PTPN13: variants seen among roughly 807,000 people sequenced by gnomAD.
PTPN13 encodes the protein protein tyrosine phosphatase non-receptor type 13.
PTPN13 carries 191 observed loss-of-function variants against 284.0 expected under a neutral mutation model. That is an observed-to-expected ratio of 0.67 (90% CI 0.60 to 0.76). PTPN13 has a LOEUF of 0.76. Ranked by LOEUF, PTPN13 falls within the 30% of genes least tolerant of loss-of-function variation. PTPN13 has a pLI of 0.00. For synonymous variants in PTPN13, 986 were observed against 1,022.3 expected (o/e 0.96, Z 0.68); for missense variants, 2,797 against 2,939.9 (o/e 0.95, Z 1.12).
intron 2 of PTPN13, among the ~76,000 whole-genome samples, chr4:86,651,963 G>A (rs1400400642): frequency 6.6e-6 from 1 of 152,102 alleles, no homozygotes; most frequent in Non-Finnish European, 1.5e-5. Context: ...TGTAGTCCAA[G>A]CTACACAGGA....
intron 10 of PTPN13, among the ~76,000 whole-genome samples, chr4:86,727,835 G>A (rs2149110080): frequency 6.7e-6 from 1 of 149,242 alleles, no homozygotes; most frequent in South Asian, 2.1e-4. Context: ...TCTGATCTTA[G>A]TTATTTCTTG....
chr4:86,768,871 G>A (rs185549357), intron 28 of PTPN13, among the ~76,000 whole-genome samples: 228 of 151,820 alleles, frequency 1.5e-3, no homozygotes, highest in African/African-American at 5.4e-3. Flanking sequence ...TGCCACATGC[G>A]GCTAATTTTT....
intron 6 of PTPN13, among the ~76,000 whole-genome samples, chr4:86,694,436 C>T (rs1253074107): frequency 2.0e-5 from 3 of 151,436 alleles, no homozygotes; most frequent in South Asian, 2.1e-4. Flanking sequence ...AAAAATTAGC[C>T]GGGCATGGTG....
chr4:86,735,480 G>C (rs1735389968), intron 14 of PTPN13, 114 bp from the exon 15 acceptor site: 1 of 1,064,666 alleles, frequency 9.4e-7, no homozygotes, highest in African/African-American at 1.6e-5. Flanking sequence ...AGAGAGAGAG[G>C]TAGAAATAGA....
At chr4:86,758,653 C>G in intron 21 of PTPN13, 25 bp from the exon 22 acceptor site, 2 of 1,578,234 alleles carry the variant, frequency 1.3e-6, no homozygotes, top group Non-Finnish European at 1.7e-6. Flanking sequence ...ATATGAAAAT[C>G]TTTTTAAAAT....
intron 1 of PTPN13, among the ~76,000 whole-genome samples, chr4:86,610,828 G>A (rs1425202033): frequency 6.6e-6 from 1 of 152,152 alleles, no homozygotes; most frequent in African/African-American, 2.4e-5. Context: ...ACACTTGCAT[G>A]AACTTGCCTA....
intron 2 of PTPN13, among the ~76,000 whole-genome samples, chr4:86,642,512 G>A (rs1278954577): frequency 7.8e-6 from 1 of 127,450 alleles, no homozygotes; most frequent in African/African-American, 3.0e-5. Flanking sequence ...GAGTGCAGTG[G>A]TGCAATCTCG....
chr4:86,767,350 A>G (rs1739450977), intron 27 of PTPN13, among the ~76,000 whole-genome samples: 1 of 151,568 alleles, frequency 6.6e-6, no homozygotes, highest in Admixed American at 6.6e-5. Flanking sequence ...GAGTCAAGCA[A>G]TTCTCCTGCC....
intron 36 of PTPN13, 30 bp from the exon 37 acceptor site, chr4:86,782,171 A>G: frequency 6.5e-7 from 1 of 1,531,030 alleles, no homozygotes; most frequent in Non-Finnish European, 9.0e-7. Flanking sequence ...GGATTGGCTC[A>G]TCCCCTTACT....
In PTPN13 at chr4:86,693,943, T is replaced by G. The variant is rs148428855; in HGVS notation, c.634+269T>G. ...ATTGGTATATCAATAATAATAATAT[T>G]TATTTACTTTATCGTGGTATTTCAT... On this transcript the variant is annotated intron_variant, in intron 6 of 47. Transcript: ENST00000411767. Among the ~76,000 whole-genome samples, 490 of 152,196 alleles carry G rather than the reference T, an allele frequency of 3.2e-3. 3 individuals are homozygous for G. Among genetic ancestry groups the G allele is most frequent in the African/African-American group, 0.011 (468 of 41,540 alleles).
At chr4:86,813,506 G>GGCA (rs1560450777) in intron 47 of PTPN13, among the ~76,000 whole-genome samples, 2 of 151,974 alleles carry the variant, frequency 1.3e-5, no homozygotes, top group East Asian at 3.9e-4. Context: ...AGCACAGTCC[G>GGCA]TGATCTCTGC....
chr4:86,701,548 T>C lies in PTPN13; in HGVS notation c.942T>C (p.Ser314=), dbSNP rs1731162940. 4 of 1,613,952 alleles carry C rather than the reference T, an allele frequency of 2.5e-6. No homozygotes were observed. The East Asian group carries it at 6.7e-5, about 27-fold the overall frequency. The change falls in exon 7 of 48, where the codon TCT becomes TCC. Residue 314 remains serine (S), a synonymous_variant. Coordinates refer to ENST00000411767, the MANE Select transcript of PTPN13 (RefSeq NM_080683.3). Reference sequence around the variant, plus strand: ...TTTGTACAGCTGACAGAGACTTCTCTTCAGGAGAGACTGCCACATATCGTC... The same window carrying C: ...TTTGTACAGCTGACAGAGACTTCTCCTCAGGAGAGACTGCCACATATCGTC... ...DLLCTADRDF[S]SGETATYRRC... is the part of the protein sequence containing the mutation.
intron 28 of PTPN13, 39 bp downstream of exon 28, chr4:86,768,015 T>G: frequency 1.3e-6 from 2 of 1,558,278 alleles, no homozygotes; most frequent in Non-Finnish European, 1.7e-6. Context: ...CTTTAAATTA[T>G]TCCTCGCCTA....
intron 1 of PTPN13, among the ~76,000 whole-genome samples, chr4:86,628,406 T>G (rs974285902): frequency 2.0e-5 from 3 of 152,116 alleles, no homozygotes; most frequent in Non-Finnish European, 4.4e-5. Flanking sequence ...AAAACTGGAT[T>G]GTTTGGTTTT....
chr4:86,740,109 C>A (rs1293138617), intron 15 of PTPN13, among the ~76,000 whole-genome samples: 1 of 152,198 alleles, frequency 6.6e-6, no homozygotes, highest in African/African-American at 2.4e-5. Flanking sequence ...ATGGTGCAAG[C>A]TGTCGTTGGA....
chr4:86,760,767 A>G (rs1253816507), intron 23 of PTPN13, among the ~76,000 whole-genome samples: 1 of 152,076 alleles, frequency 6.6e-6, no homozygotes, highest in Non-Finnish European at 1.5e-5. Flanking sequence ...TTAAAAGCAT[A>G]ATGTTAAAAG....
At chr4:86,768,039 T>G in intron 28 of PTPN13, 63 bp downstream of exon 28, 5 of 1,482,642 alleles carry the variant, frequency 3.4e-6, no homozygotes, top group Non-Finnish European at 4.5e-6. Context: ...AAAATTTGAT[T>G]TTTACATGTT....
At chr4:86,780,257 G>T (rs1418666608) in intron 35 of PTPN13, 145 bp from the exon 36 acceptor site, 2 of 657,986 alleles carry the variant, frequency 3.0e-6, no homozygotes, top group Non-Finnish European at 5.4e-6. Flanking sequence ...AAAAATAGCT[G>T]GGCATGGTGG....
At chr4:86,807,269 T>A (rs1246776226) in intron 44 of PTPN13, among the ~76,000 whole-genome samples, 3 of 152,172 alleles carry the variant, frequency 2.0e-5, no homozygotes, top group Non-Finnish European at 2.9e-5. Context: ...CTAAATGCAT[T>A]TATTAACTTA....
Sources: allele counts gnomAD v4.1 joint callset (sites outside exome capture counted in the v4.1 genomes callset), GRCh38; gene constraint gnomAD v4.1.1; transcripts MANE v1.5; gene names NCBI Gene and HGNC (gene_info 2026-07-23, HGNC 2026-07-21).